The following GULP1 variants were observed in gnomAD, a reference collection of about 807,000 sequenced individuals.
The protein encoded by GULP1 is GULP PTB domain containing engulfment adaptor 1.
Under a neutral mutation model 40.9 loss-of-function variants are expected in GULP1, and 19 were observed. That is an observed-to-expected ratio of 0.46 (90% confidence interval 0.32 to 0.68). The LOEUF (loss-of-function observed/expected upper bound fraction) is 0.68. GULP1 is among the 30% of genes least tolerant of loss of function. The pLI is 0.03. For synonymous variants in GULP1, 119 were observed against 117.6 expected (o/e 1.01, Z -0.08); for missense variants, 312 against 362.2 (o/e 0.86, Z 1.12).
In GULP1 at chr2:188,580,679, C is replaced by T. The variant is rs537194828; in HGVS notation, c.610-3586C>T. Among the ~76,000 whole-genome samples, 76 of 152,174 alleles carry T rather than the reference C, an allele frequency of 5.0e-4. 1 individual carries two copies. Among genetic ancestry groups the T allele is most frequent in the African/African-American group, 1.8e-3 (76 of 41,490 alleles). On this transcript the variant is annotated intron_variant, in intron 9 of 11. Coordinates refer to ENST00000409830, the MANE Select transcript of GULP1 (RefSeq NM_016315.4). The stretch of plus-strand genomic sequence containing the variant: ...GTTCTGCTTCCACACTGAACCCTTC[C>T]CTCAATTTAATCTCTCACTTTACAT...
At chr2:188,313,676 T>C (rs1451129377) in intron 1 of GULP1, among the ~76,000 whole-genome samples, 2 of 152,218 alleles carry the variant, frequency 1.3e-5, no homozygotes, top group Admixed American at 6.5e-5. Flanking sequence ...TTGATGGGAA[T>C]GTCATTGAGT....
chr2:188,493,645 G>A (rs1050595318), intron 4 of GULP1, among the ~76,000 whole-genome samples: 1 of 151,992 alleles, frequency 6.6e-6, no homozygotes, highest in Non-Finnish European at 1.5e-5. Flanking sequence ...CCCCAATCAG[G>A]CTTATGAGAG....
At chr2:188,365,935 C>G (rs1216996226) in intron 1 of GULP1, among the ~76,000 whole-genome samples, 1 of 152,014 alleles carries the variant, frequency 6.6e-6, no homozygotes, top group Non-Finnish European at 1.5e-5. Flanking sequence ...AACAAGTGGC[C>G]AGAACATTAG....
intron 9 of GULP1, among the ~76,000 whole-genome samples, chr2:188,583,397 A>G (rs1701717624): frequency 1.3e-5 from 2 of 152,176 alleles, no homozygotes; most frequent in Non-Finnish European, 2.9e-5. Flanking sequence ...CTCACAGGAA[A>G]AGCAAATTTT....
intron 1 of GULP1, among the ~76,000 whole-genome samples, chr2:188,318,701 A>G (rs2039509144): frequency 6.6e-6 from 1 of 152,180 alleles, no homozygotes; most frequent in Admixed American, 6.6e-5. Context: ...CCAACAACCC[A>G]GGAGTTATTA....
At chr2:188,305,717 T>C (rs1339700356) in intron 1 of GULP1, among the ~76,000 whole-genome samples, 1 of 152,258 alleles carries the variant, frequency 6.6e-6, no homozygotes, top group African/African-American at 2.4e-5. Context: ...TTTTGCCTGA[T>C]TTGATTTGTC....
chr2:188,437,176 T>C (rs182197849), intron 2 of GULP1, among the ~76,000 whole-genome samples: 4 of 152,252 alleles, frequency 2.6e-5, no homozygotes, highest in Admixed American at 2.6e-4. Flanking sequence ...GAATCTTTCA[T>C]AGAAATGTTA....
chr2:188,569,708 A>G (rs754023684), intron 8 of GULP1: 10 of 353,150 alleles, frequency 2.8e-5, no homozygotes, highest in African/African-American at 1.5e-4. Flanking sequence ...CCACTCTTCA[A>G]AATCATCATA....
chr2:188,323,235 A>G (rs926349472), intron 1 of GULP1, among the ~76,000 whole-genome samples: 2 of 151,864 alleles, frequency 1.3e-5, no homozygotes, highest in African/African-American at 4.8e-5. Flanking sequence ...CTGAATTGCC[A>G]TTGTACTTCC....
chr2:188,584,265 G>A lies in GULP1; in HGVS notation c.610G>A (p.Ala204Thr), dbSNP rs199588499. The A allele has an allele frequency of 4.4e-6, 7 of 1,598,000 alleles. No individual in the cohort carries two copies. Among genetic ancestry groups the A allele is most frequent in the Admixed American group, 1.7e-5 (1 of 59,782 alleles). Residue 204 changes from alanine (A) to threonine (T), a missense_variant and splice_region_variant, in exon 10 of 12, where the codon GCA becomes ACA. Physicochemically the swap from Ala to Thr is moderately conservative, Grantham distance 58. Transcript: ENST00000409830. ...LRITQVSAPPAGSMTPKSPST... is the reference protein window; with the variant it reads ...LRITQVSAPPTGSMTPKSPST... ...CCTAATTCATTTATTTTCATTGCAG[G>A]CAGGCAGTATGACACCTAAGTCGCC...
intron 7 of GULP1, among the ~76,000 whole-genome samples, chr2:188,568,619 T>C (rs962464146): frequency 5.9e-5 from 9 of 152,154 alleles, no homozygotes; most frequent in Non-Finnish European, 8.8e-5. Flanking sequence ...TCATATAAAA[T>C]TTCAGACTTC....
chr2:188,449,812 T>C (rs2058691460), intron 2 of GULP1, among the ~76,000 whole-genome samples: 1 of 152,194 alleles, frequency 6.6e-6, no homozygotes, highest in Non-Finnish European at 1.5e-5. Context: ...TATTGGCAAA[T>C]TCAGTGAGAA....
chr2:188,492,098 A>G (rs2062449420), intron 4 of GULP1, among the ~76,000 whole-genome samples: 1 of 152,088 alleles, frequency 6.6e-6, no homozygotes, highest in Non-Finnish European at 1.5e-5. Flanking sequence ...CACAGATGTG[A>G]TCGCAAAGCA....
intron 6 of GULP1, among the ~76,000 whole-genome samples, chr2:188,530,747 G>C (rs1440888161): frequency 6.6e-6 from 1 of 152,144 alleles, no homozygotes; most frequent in African/African-American, 2.4e-5. Context: ...AAGCCACCCA[G>C]TCAGTGGTAT....
chr2:188,406,881 GAAAT>G (rs1222221736), intron 2 of GULP1, among the ~76,000 whole-genome samples: 1 of 151,996 alleles, frequency 6.6e-6, no homozygotes, highest in Non-Finnish European at 1.5e-5. Context: ...AGCCTGGTGA[GAAAT>G]AAATATCCAG....
At chr2:188,540,840 T>C (rs1488636662) in intron 6 of GULP1, among the ~76,000 whole-genome samples, 3 of 152,130 alleles carry the variant, frequency 2.0e-5, no homozygotes, top group Admixed American at 2.0e-4. Context: ...TTATTCTTTC[T>C]GGGTCTCATT....
At chr2:188,542,811 T>C (rs779122218) in intron 7 of GULP1, among the ~76,000 whole-genome samples, 2 of 152,198 alleles carry the variant, frequency 1.3e-5, no homozygotes, top group Non-Finnish European at 2.9e-5. Flanking sequence ...ACTGAGAAGA[T>C]TAAAGTTGAT....
chr2:188,516,453 C>T (rs1045938457), intron 4 of GULP1, among the ~76,000 whole-genome samples: 3 of 151,780 alleles, frequency 2.0e-5, no homozygotes, highest in African/African-American at 7.3e-5. Context: ...TGGTAAGCCT[C>T]TTTGTGCTTG....
intron 7 of GULP1, among the ~76,000 whole-genome samples, chr2:188,560,378 G>T: frequency 6.6e-6 from 1 of 152,134 alleles, no homozygotes; most frequent in Non-Finnish European, 1.5e-5. Context: ...TTATATCTCA[G>T]ACCTCCTCAC....
Sources: allele counts gnomAD v4.1 joint callset (sites outside exome capture counted in the v4.1 genomes callset), GRCh38; gene constraint gnomAD v4.1.1; transcripts MANE v1.5; gene names NCBI Gene and HGNC (gene_info 2026-07-23, HGNC 2026-07-21).